The following IL16 variants were observed in gnomAD, a reference collection of about 807,000 sequenced individuals.
IL16 encodes the protein pro-interleukin-16.
Under a neutral mutation model 110.1 loss-of-function variants are expected in IL16, and 67 were observed. The observed-to-expected ratio is 0.61, with a 90% confidence interval of 0.50 to 0.75. IL16 has a LOEUF of 0.75. Ranked by LOEUF, IL16 falls within the 30% of genes least tolerant of loss-of-function variation. The probability of loss-of-function intolerance (pLI) is 0.00; values close to 1 mark genes in which losing one functional copy is unlikely to be tolerated. For synonymous variants in IL16, 689 were observed against 662.9 expected, an observed-to-expected ratio of 1.04 and a Z score of -0.61; for missense variants, 1,545 against 1,655.0, an observed-to-expected ratio of 0.93 and a Z score of 1.15.
chr15:81,240,069 T>A (rs1897296088), intron 2 of IL16, among the ~76,000 whole-genome samples: 1 of 152,164 alleles, frequency 6.6e-6, no homozygotes, highest in South Asian at 2.1e-4. Flanking sequence ...TTCTTCTTAT[T>A]TGTGAACATG....
intron 2 of IL16, among the ~76,000 whole-genome samples, chr15:81,230,858 A>G (rs569119241): frequency 1.3e-5 from 2 of 152,230 alleles, no homozygotes; most frequent in African/African-American, 4.8e-5. Context: ...CTCAGTATAC[A>G]TGGGTGGCGG....
chr15:81,313,581 G>A lies in IL16; in HGVS notation c.*4783G>A. On this transcript the variant is annotated 3_prime_UTR_variant, in exon 19 of 19. Coordinates refer to ENST00000683961, the MANE Select transcript of IL16 (RefSeq NM_172217.5). ...TCTGGACCTGCTGATTTTCAGGATGGAAACCCATCCTGTCGGGGATGCATT... is the reference window on the plus strand; with the variant it reads ...TCTGGACCTGCTGATTTTCAGGATGAAAACCCATCCTGTCGGGGATGCATT... 1 of 475,484 alleles carries A rather than the reference G, an allele frequency of 2.1e-6. No homozygotes were observed. Among genetic ancestry groups the A allele is most frequent in the Non-Finnish European group, 3.4e-6 (1 of 290,470 alleles). 29.5% of individuals were successfully genotyped at this position (475,484 alleles called of 1,614,324 possible).
intron 2 of IL16, among the ~76,000 whole-genome samples, chr15:81,234,762 AGAAT>A (rs1478679066): frequency 6.6e-6 from 1 of 152,058 alleles, no homozygotes; most frequent in African/African-American, 2.4e-5. Context: ...GGTAGGCCCT[AGAAT>A]GAAAGTACAC....
chr15:81,196,559 T>C (rs1445362122), upstream of IL16, among the ~76,000 whole-genome samples: 1 of 152,230 alleles, frequency 6.6e-6, no homozygotes, highest in African/African-American at 2.4e-5. Context: ...ATGAGGTTTA[T>C]AGAAAGCTCC....
chr15:81,301,604 A>T, intron 15 of IL16, 92 bp downstream of exon 15: 1 of 1,143,300 alleles, frequency 8.7e-7, no homozygotes, highest in Non-Finnish European at 1.3e-6. Flanking sequence ...TAGCTTGAGT[A>T]GCCTGCTCAC....
At chr15:81,280,324 A>G (rs528357988) in intron 8 of IL16, among the ~76,000 whole-genome samples, 2 of 152,324 alleles carry the variant, frequency 1.3e-5, no homozygotes, top group South Asian at 4.1e-4. Context: ...AGGGGCCAGC[A>G]TGTGTTCTAG....
chr15:81,261,763 A>G (rs948648266), intron 3 of IL16, among the ~76,000 whole-genome samples: 8 of 152,034 alleles, frequency 5.3e-5, no homozygotes, highest in African/African-American at 1.9e-4. Flanking sequence ...ACTGATAAAA[A>G]TAGATGGAAA....
At position 81,296,556 on chromosome 15, in the gene IL16, C is replaced by T. The variant is rs573618394; in HGVS notation, c.1903-372C>T. On this transcript the variant is annotated intron_variant, in intron 12 of 18. Transcript: ENST00000683961. ...AGGTTTTTTTGCTGCCTTGTTTCTA[C>T]GCTGCCCTATACCCTCCCGGGGTGG... 2.5e-3 allele frequency among the ~76,000 whole-genome samples: 384 copies of T among 152,306 alleles called. 9 individuals are homozygous for T. The highest frequency in any genetic ancestry group is 0.024 in the Admixed American group (371 of 15,308).
intron 1 of IL16, among the ~76,000 whole-genome samples, chr15:81,186,088 C>T (rs960661755): frequency 2.0e-5 from 3 of 152,112 alleles, no homozygotes; most frequent in African/African-American, 7.2e-5. Flanking sequence ...GGCAGCCAAC[C>T]CCTCAGTGTG....
In IL16 at chr15:81,292,636, C is replaced by A. The variant is rs751326013; in HGVS notation, c.1501C>A (p.Arg501Ser). The A allele has an allele frequency of 6.2e-7, 1 of 1,611,966 alleles. No individual in the cohort carries two copies. Among genetic ancestry groups the A allele is most frequent in the East Asian group, 2.2e-5 (1 of 44,796 alleles). Residue 501 changes from arginine (R) to serine (S), a missense_variant, in exon 12 of 19, where the codon CGC (arginine) becomes AGC (serine). Coordinates refer to ENST00000683961, the MANE Select transcript of IL16 (RefSeq NM_172217.5). ...AGAGAAGAACTCAGCACCCCCGCAT[C>A]GCAGGGCTCAGAAGGTCATGATCCG... is the stretch of plus-strand genomic sequence containing the variant. ...EREKNSAPPH[R>S]RAQKVMIRSS...
At chr15:81,251,302 T>C (rs76650498) in intron 2 of IL16, among the ~76,000 whole-genome samples, 10,814 of 152,146 alleles carry the variant, frequency 0.071, 519 homozygotes, top group South Asian at 0.12. Flanking sequence ...AAGTAGCTGG[T>C]ACTACAGGTT....
intron 3 of IL16, among the ~76,000 whole-genome samples, chr15:81,264,054 G>C (rs1312081030): frequency 1.3e-5 from 2 of 152,168 alleles, no homozygotes; most frequent in Non-Finnish European, 2.9e-5. Flanking sequence ...AGGTTGGGTG[G>C]AGCACTGAAA....
At chr15:81,270,439 A>T (rs1230212279) in intron 5 of IL16, among the ~76,000 whole-genome samples, 1 of 151,360 alleles carries the variant, frequency 6.6e-6, no homozygotes, top group Non-Finnish European at 1.5e-5. Flanking sequence ...GTCCAGGGGG[A>T]GGGGCCCCAC....
chr15:81,271,307 A>G lies in IL16; in HGVS notation c.675+1659A>G, dbSNP rs559231449. Among the ~76,000 whole-genome samples the G allele has an allele frequency of 5.0e-4, 75 of 150,984 alleles. 1 individual carries two copies. Among genetic ancestry groups the G allele is most frequent in the African/African-American group, 1.7e-3 (72 of 41,370 alleles). On this transcript the variant is annotated intron_variant, in intron 5 of 18. Transcript: ENST00000683961. ...TAAAATAAAATAATAAAATAAATAA[A>G]TAAATATATAAAATAATTAACCCGG...
Position 81,307,593 on chromosome 15 carries a change from T to C in IL16, c.3806-1012T>C, listed in dbSNP as rs551611956. On this transcript the variant is annotated intron_variant, in intron 18 of 18. Coordinates refer to ENST00000683961, the MANE Select transcript of IL16 (RefSeq NM_172217.5). ...AATTTGGAAGGAGCATTGGGTTCAA[T>C]GTCAAGAGGACTAGATTCCAGTGTT... Among the ~76,000 whole-genome samples, 13 of 152,354 alleles carry C rather than the reference T, an allele frequency of 8.5e-5. No individual in the cohort carries two copies. In the South Asian group the frequency reaches 2.5e-3, roughly 29 times the overall value.
chr15:81,227,603 G>A (rs1896831300), intron 2 of IL16, among the ~76,000 whole-genome samples: 1 of 152,170 alleles, frequency 6.6e-6, no homozygotes, highest in African/African-American at 2.4e-5. Flanking sequence ...ACCAGAACAA[G>A]GGCTGTGGCA....
chr15:81,232,641 T>G (rs1213244695), intron 2 of IL16, among the ~76,000 whole-genome samples: 1 of 152,224 alleles, frequency 6.6e-6, no homozygotes, highest in Non-Finnish European at 1.5e-5. Context: ...ACTTTACTTT[T>G]TCATGTAGTG....
chr15:81,257,625 A>G (rs1252977877), intron 2 of IL16, among the ~76,000 whole-genome samples: 1 of 152,104 alleles, frequency 6.6e-6, no homozygotes, highest in Admixed American at 6.5e-5. Context: ...CAGGGGCTGG[A>G]GCTGAGGGTG....
chr15:81,247,703 A>G (rs901873719), intron 2 of IL16, among the ~76,000 whole-genome samples: 2 of 152,154 alleles, frequency 1.3e-5, no homozygotes, highest in African/African-American at 4.8e-5. Context: ...CAGCGAAGAT[A>G]CCAAAGTGCT....
Sources: allele counts gnomAD v4.1 joint callset (sites outside exome capture counted in the v4.1 genomes callset), GRCh38; gene constraint gnomAD v4.1.1; transcripts MANE v1.5; gene names NCBI Gene and HGNC (gene_info 2026-07-23, HGNC 2026-07-21).